NADK: variants seen among roughly 807,000 people sequenced by gnomAD.
NADK encodes the protein NAD kinase, also known as poly(P)/ATP NAD kinase.
NADK carries 22 observed loss-of-function variants against 49.8 expected under a neutral mutation model. The ratio of observed to expected loss-of-function variants is 0.44; its 90% CI spans 0.32 to 0.63. The LOEUF is 0.63. Ranked by LOEUF, NADK falls within the 30% of genes least tolerant of loss-of-function variation. The pLI is 0.06. For missense variants in NADK, 438 were observed against 609.4 expected (o/e 0.72, Z 2.96); for synonymous variants, 268 against 253.7 (o/e 1.06, Z -0.54).
At chr1:1,757,441 C>T (rs1417614659) in intron 3 of NADK, 131 bp from the exon 4 acceptor site, 2 of 792,718 alleles carry the variant, frequency 2.5e-6, no homozygotes, top group East Asian at 2.6e-5. Flanking sequence ...TGCTCGGTGG[C>T]CACGGGCTCA....
chr1:1,764,023 C>A (rs4648629), intron 2 of NADK, among the ~76,000 whole-genome samples: 49,719 of 152,076 alleles, frequency 0.33, 9,298 homozygotes, highest in Middle Eastern at 0.5. Context: ...CTGAGAAAGG[C>A]TGAGTGGTGA....
Position 1,765,219 on chromosome 1 carries a change from C to A in NADK, c.179+9G>T. On this transcript the variant is annotated intron_variant, in intron 2 of 11. Coordinates refer to ENST00000341426, the MANE Select transcript of NADK (RefSeq NM_023018.5). ...GAAAAAAAAGAGGAACCATCCCTCC[C>A]AGTTGTACCTGAACTCCTTGGTGCT... is the stretch of plus-strand genomic sequence containing the variant. The A allele has an allele frequency of 1.3e-6, 2 of 1,569,568 alleles. No homozygotes were observed. The highest frequency in any genetic ancestry group is 1.7e-6 in the Non-Finnish European group (2 of 1,160,918).
At chr1:1,763,367 C>T (rs1057196073) in intron 2 of NADK, among the ~76,000 whole-genome samples, 2 of 152,024 alleles carry the variant, frequency 1.3e-5, no homozygotes, top group Admixed American at 6.6e-5. Context: ...GCCTGTAATC[C>T]CAGCACTTTG....
chr1:1,760,149 T>C (rs939148553), intron 3 of NADK, among the ~76,000 whole-genome samples: 2 of 152,136 alleles, frequency 1.3e-5, no homozygotes, highest in East Asian at 1.9e-4. Context: ...CTTGGATATT[T>C]TGGGATCAAA....
intron 11 of NADK, among the ~76,000 whole-genome samples, 182 bp downstream of exon 11, chr1:1,753,385 G>A (rs950210158): frequency 3.3e-5 from 5 of 152,196 alleles, no homozygotes; most frequent in African/African-American, 4.8e-5. Context: ...ATGTGCCACC[G>A]TATGCGACCC....
chr1:1,758,363 A>G, intron 3 of NADK: 1 of 1,608,088 alleles, frequency 6.2e-7, no homozygotes. Flanking sequence ...GTCAGCACTC[A>G]CCCTGTGCAG....
chr1:1,752,897 G>T lies in NADK; in HGVS notation c.*7C>A. 6.2e-7 allele frequency: 1 copy of T among 1,602,962 alleles called. No individual in the cohort carries two copies. The highest frequency in any genetic ancestry group is 1.1e-5 in the South Asian group (1 of 90,052). Reference sequence around the variant, plus strand: ...CGGAAGGATTCGGGCCTGGATAGGGGCTTGACCTAGCCCTCCTCCTCCTCC... The same window carrying T: ...CGGAAGGATTCGGGCCTGGATAGGGTCTTGACCTAGCCCTCCTCCTCCTCC... On this transcript the variant is annotated 3_prime_UTR_variant, in exon 12 of 12. Coordinates refer to ENST00000341426, the MANE Select transcript of NADK (RefSeq NM_023018.5).
Position 1,765,351 on chromosome 1 carries a change from G to T in NADK, c.56C>A (p.Ala19Asp). ...TMNKELSPDA[A>D]AYCCSACHGD... ...GTGGCAGGCCGAGCAGCAGTAAGCAGCCGCGTCTGGACTCAATTCCTTATT... is the reference window on the plus strand; with the variant it reads ...GTGGCAGGCCGAGCAGCAGTAAGCATCCGCGTCTGGACTCAATTCCTTATT... Residue 19 changes from alanine to aspartate, a missense_variant, in exon 2 of 12, where the codon GCT becomes GAT. Ala to Asp is a moderately radical substitution (Grantham distance 126). Coordinates refer to ENST00000341426, the MANE Select transcript of NADK (RefSeq NM_023018.5). 1.2e-6 allele frequency: 2 copies of T among 1,613,280 alleles called. No individual in the cohort carries two copies. The highest frequency in any genetic ancestry group is 1.7e-6 in the Non-Finnish European group (2 of 1,179,602).
In NADK at chr1:1,760,681, TGAAGAGAGCCCGTTCTGCACAGAG is replaced by T. The variant is rs368694064; in HGVS notation, c.263+1247_263+1270del. The stretch of plus-strand genomic sequence containing the variant: ...CATGACTCCGTGAAGGAGGAGGCCC[TGAAGAGAGCCCGTTCTGCACAGAG>T]GAAGAGAGCCCGTTCTGCACAGAGG... On this transcript the variant is annotated intron_variant, in intron 3 of 11. Coordinates refer to ENST00000341426, the MANE Select transcript of NADK (RefSeq NM_023018.5). Among the ~76,000 whole-genome samples the T allele has an allele frequency of 5.4e-3, 815 of 152,132 alleles. 10 individuals carry two copies. The highest frequency in any genetic ancestry group is 0.014 in the African/African-American group (582 of 41,444).
chr1:1,755,065 C>T (rs562057673), intron 7 of NADK, among the ~76,000 whole-genome samples: 25 of 152,240 alleles, frequency 1.6e-4, no homozygotes, highest in African/African-American at 3.1e-4. Flanking sequence ...GTGATCCGCC[C>T]GCCTCGACCT....
chr1:1,765,968 T>C (rs1030098663), intron 1 of NADK, among the ~76,000 whole-genome samples: 4 of 149,832 alleles, frequency 2.7e-5, no homozygotes, highest in Middle Eastern at 3.7e-3. Context: ...AAGAACAAAA[T>C]AGAAAGTCAC....
intron 1 of NADK, among the ~76,000 whole-genome samples, chr1:1,774,851 T>C (rs931049237): frequency 5.9e-5 from 9 of 152,122 alleles, no homozygotes; most frequent in African/African-American, 1.7e-4. Context: ...CTCACGACTG[T>C]AATCCCAGCA....
At chr1:1,759,800 G>A in intron 3 of NADK, 2 of 1,555,022 alleles carry the variant, frequency 1.3e-6, no homozygotes, top group Non-Finnish European at 8.7e-7. Context: ...CCTGGTCTGA[G>A]GGCTGAGGCA....
At chr1:1,756,160 A>T (rs1035415858) in intron 6 of NADK, 98 bp downstream of exon 6, 52 of 1,164,042 alleles carry the variant, frequency 4.5e-5, no homozygotes, top group Admixed American at 1.5e-4. Context: ...GCTCTCGTAT[A>T]AAGGGGTGAA....
At chr1:1,764,893 T>C (rs1645837131) in intron 2 of NADK, among the ~76,000 whole-genome samples, 1 of 152,160 alleles carries the variant, frequency 6.6e-6, no homozygotes, top group African/African-American at 2.4e-5. Flanking sequence ...AGAGCGAGAC[T>C]CAGTCTCAAA....
intron 1 of NADK, among the ~76,000 whole-genome samples, chr1:1,769,187 G>A (rs1645972806): frequency 6.6e-6 from 1 of 152,238 alleles, no homozygotes; most frequent in Non-Finnish European, 1.5e-5. Flanking sequence ...GGAGACCAAG[G>A]TGGGCGGATC....
Position 1,754,032 on chromosome 1 carries a change from G to A in NADK, c.1101+19C>T, listed in dbSNP as rs1645424789. ...TCAAATGACTCACAAACCGGAAAAGGAGTGTCGTTGGCTCTGACCTTCAGC... is the reference window on the plus strand; with the variant it reads ...TCAAATGACTCACAAACCGGAAAAGAAGTGTCGTTGGCTCTGACCTTCAGC... On this transcript the variant is annotated intron_variant, in intron 10 of 11. Coordinates refer to ENST00000341426, the MANE Select transcript of NADK (RefSeq NM_023018.5). This position sits in a 1 kb window ranked among gnomAD's most constrained non-coding sequence, Gnocchi z 4.3. 6.4e-7 allele frequency: 1 copy of A among 1,554,332 alleles called. No homozygotes were observed. Among genetic ancestry groups the A allele is most frequent in the Admixed American group, 2.0e-5 (1 of 49,040 alleles).
intron 4 of NADK, 196 bp from the exon 5 acceptor site, chr1:1,756,804 G>A (rs780055245): frequency 2.0e-6 from 2 of 1,003,298 alleles, no homozygotes; most frequent in Non-Finnish European, 3.1e-6. Context: ...GGGCGGAGGG[G>A]GCTCCCTCTC....
At chr1:1,755,326 C>G in intron 7 of NADK, 48 bp downstream of exon 7, 1 of 1,324,974 alleles carries the variant, frequency 7.5e-7, no homozygotes, top group East Asian at 2.3e-5. Flanking sequence ...AGCGAGACAG[C>G]AGCGCCATGA....
Sources: allele counts gnomAD v4.1 joint callset (sites outside exome capture counted in the v4.1 genomes callset), GRCh38; gene constraint gnomAD v4.1.1; non-coding constraint Gnocchi (gnomAD v3.1); transcripts MANE v1.5; gene names NCBI Gene and HGNC (gene_info 2026-07-23, HGNC 2026-07-21).